Variants in SLC17A6 observed in about 807,000 individuals in gnomAD.
SLC17A6 encodes vesicular glutamate transporter 2.
In SLC17A6, 35 loss-of-function variants were observed where a neutral mutation model predicts 67.1. The observed-to-expected ratio is 0.52, with a 90% CI of 0.40 to 0.69. The LOEUF is 0.69. SLC17A6 is among the 30% of genes least tolerant of loss of function. The pLI is 0.00. For missense variants in SLC17A6, 588 were observed against 723.9 expected (o/e 0.81, Z 2.15); for synonymous variants, 285 against 252.3 (o/e 1.13, Z -1.23).
At position 22,370,121 on chromosome 11, in the gene SLC17A6, C is replaced by T; in HGVS notation, c.974C>T (p.Thr325Ile). The T allele has an allele frequency of 6.2e-7, 1 of 1,612,004 alleles. No individual in the cohort carries two copies. Among genetic ancestry groups the T allele is most frequent in the Non-Finnish European group, 8.5e-7 (1 of 1,179,024 alleles). ...IIVANFCRSW[T>I]FYLLLISQPA... ...GTTGCAAACTTCTGCAGAAGCTGGA[C>T]TTTTTATTTATTGCTTATTAGTCAG... The change falls in exon 8 of 12, where the codon ACT (threonine) becomes ATT (isoleucine). Residue 325 changes from threonine (T) to isoleucine (I), a missense_variant. Physicochemically the swap from Thr to Ile is moderately conservative, Grantham distance 89 (BLOSUM62 -1). Transcript: ENST00000263160.
intron 8 of SLC17A6, among the ~76,000 whole-genome samples, chr11:22,372,162 A>G (rs1220227443): frequency 6.6e-6 from 1 of 151,928 alleles, no homozygotes; most frequent in Admixed American, 6.6e-5. Flanking sequence ...ATATGAGTGC[A>G]ATGGCTTAAC....
chr11:22,352,678 G>C (rs1183627387), intron 3 of SLC17A6, among the ~76,000 whole-genome samples: 1 of 152,190 alleles, frequency 6.6e-6, no homozygotes, highest in Non-Finnish European at 1.5e-5. Context: ...ACAACCTCAT[G>C]AGTTAAGTCT....
chr11:22,349,440 T>C (rs946852425), intron 3 of SLC17A6, among the ~76,000 whole-genome samples: 1 of 152,144 alleles, frequency 6.6e-6, no homozygotes, highest in Non-Finnish European at 1.5e-5. Flanking sequence ...TACCATAAGA[T>C]GAATAGATGG....
At chr11:22,358,439 T>C (rs554757978) in intron 3 of SLC17A6, among the ~76,000 whole-genome samples, 174 of 152,326 alleles carry the variant, frequency 1.1e-3, no homozygotes, top group African/African-American at 4.0e-3. Context: ...GCAATTCTCC[T>C]GCCTCAGCCT....
chr11:22,375,783 A>T (rs576915303), intron 9 of SLC17A6, among the ~76,000 whole-genome samples, 199 bp from the exon 10 acceptor site: 6 of 152,278 alleles, frequency 3.9e-5, no homozygotes, highest in East Asian at 1.9e-4. Flanking sequence ...TCTGGCCTGG[A>T]TGTTTTTATT....
At position 22,341,512 on chromosome 11, in the gene SLC17A6, CT is replaced by C; in HGVS notation, c.87-15del. The stretch of plus-strand genomic sequence containing the variant: ...AAGCCGCCAAGTCCTTGACTCGCCC[CT>C]GCTCTGCCGCGCAGGGTGCTGGAGA... On this transcript the variant is annotated splice_polypyrimidine_tract_variant and intron_variant, in intron 1 of 11. Coordinates refer to ENST00000263160, the MANE Select transcript of SLC17A6 (RefSeq NM_020346.3). 6.2e-7 allele frequency: 1 copy of C among 1,611,230 alleles called. No individual in the cohort carries two copies. Among genetic ancestry groups the C allele is most frequent in the Non-Finnish European group, 8.5e-7 (1 of 1,178,800 alleles).
intron 4 of SLC17A6, among the ~76,000 whole-genome samples, chr11:22,360,537 C>CG (rs764780383): frequency 7.9e-6 from 1 of 126,850 alleles, no homozygotes; most frequent in Non-Finnish European, 1.7e-5. Flanking sequence ...CCCCCCCCCC[C>CG]AAAAAAAAGA....
At chr11:22,370,667 G>T (rs1477370713) in intron 8 of SLC17A6, among the ~76,000 whole-genome samples, 2 of 152,036 alleles carry the variant, frequency 1.3e-5, no homozygotes, top group Non-Finnish European at 2.9e-5. Flanking sequence ...CTTATATTTT[G>T]TCCATCCAAT....
Position 22,343,123 on chromosome 11 carries a change from C to T in SLC17A6, c.340-124C>T, listed in dbSNP as rs559657784. On this transcript the variant is annotated intron_variant, in intron 2 of 11. Transcript: ENST00000263160. ...GTTAGGAAACGAAAATGAAGCCACT[C>T]TTATCCCCAGAATGCATGAAGCGCC... 38 of 800,914 alleles carry T rather than the reference C, an allele frequency of 4.7e-5. No individual in the cohort carries two copies. In the African/African-American group the frequency reaches 6.0e-4, roughly 13 times the overall value. 49.6% of individuals were successfully genotyped at this position (800,914 alleles called of 1,614,324 possible).
intron 4 of SLC17A6, among the ~76,000 whole-genome samples, chr11:22,359,822 C>T (rs1419562379): frequency 1.3e-5 from 2 of 151,238 alleles, no homozygotes; most frequent in Non-Finnish European, 3.0e-5. Context: ...TGTGTCATGA[C>T]AAGAATTTTA....
chr11:22,341,926 A>G, intron 2 of SLC17A6, 146 bp downstream of exon 2: 2 of 1,224,114 alleles, frequency 1.6e-6, no homozygotes, highest in Non-Finnish European at 2.2e-6. Context: ...CCGTTCTAGA[A>G]TGGACCCCAG....
chr11:22,344,595 G>A (rs559196531), intron 3 of SLC17A6, among the ~76,000 whole-genome samples: 125 of 152,224 alleles, frequency 8.2e-4, no homozygotes, highest in African/African-American at 3.0e-3. Flanking sequence ...TTCGAGTATC[G>A]TCTTTACTTG....
chr11:22,350,128 C>G (rs760673678), intron 3 of SLC17A6, among the ~76,000 whole-genome samples: 1 of 152,094 alleles, frequency 6.6e-6, no homozygotes, highest in South Asian at 2.1e-4. Context: ...TTAGGAATTT[C>G]AAAGCGAACT....
In SLC17A6 at chr11:22,338,675, G is replaced by A. The variant is rs1289436082; in HGVS notation, c.86+56G>A. ...GGCTCAGCATGAAAAAATCTGCAGG[G>A]CCGTTTCCGTAAACCCTGGTGGCTC... On this transcript the variant is annotated intron_variant, in intron 1 of 11. Transcript: ENST00000263160. 6 of 1,298,466 alleles carry A rather than the reference G, an allele frequency of 4.6e-6. No homozygotes were observed. The Admixed American group carries it at 8.7e-5, about 19-fold the overall frequency. The allele number at this position is 1,298,466 out of a possible 1,614,324, so 80.4% of individuals were successfully genotyped here. A position where few individuals can be genotyped will look rare whatever the true frequency, so the allele number is the denominator to read the frequency against.
chr11:22,350,834 T>C (rs1372597086), intron 3 of SLC17A6, among the ~76,000 whole-genome samples: 2 of 152,126 alleles, frequency 1.3e-5, no homozygotes, highest in African/African-American at 4.8e-5. Context: ...ATTTCAGCTA[T>C]ATATATATGT....
intron 7 of SLC17A6, among the ~76,000 whole-genome samples, chr11:22,368,123 A>G (rs1445743836): frequency 2.0e-5 from 3 of 152,152 alleles, no homozygotes; most frequent in African/African-American, 7.2e-5. Flanking sequence ...CTTCATATGC[A>G]TATCTAGAAA....
chr11:22,353,667 T>C (rs1227075751), intron 3 of SLC17A6, among the ~76,000 whole-genome samples: 2 of 152,268 alleles, frequency 1.3e-5, no homozygotes, highest in African/African-American at 4.8e-5. Context: ...TTTTCATTTT[T>C]GATCTAACAA....
rs182977287 is a variant in SLC17A6 at position 22,352,783 on chromosome 11, A to G, written c.459-6630A>G. 3.7e-3 allele frequency among the ~76,000 whole-genome samples: 570 copies of G among 152,242 alleles called. 5 individuals are homozygous for G. Among genetic ancestry groups the G allele is most frequent in the African/African-American group, 0.013 (542 of 41,552 alleles). On this transcript the variant is annotated intron_variant, in intron 3 of 11. Coordinates refer to ENST00000263160, the MANE Select transcript of SLC17A6 (RefSeq NM_020346.3). ...AGGGTGGGGGCATGAGTGAGTATTG[A>G]AGGATAAAGTGGAAGGACACTGAGA...
intron 6 of SLC17A6, among the ~76,000 whole-genome samples, chr11:22,364,883 A>T (rs1422927205): frequency 6.6e-6 from 1 of 152,182 alleles, no homozygotes; most frequent in Non-Finnish European, 1.5e-5. Flanking sequence ...AGGGCCTTGG[A>T]ATTTATAACT....
Sources: allele counts gnomAD v4.1 joint callset (sites outside exome capture counted in the v4.1 genomes callset), GRCh38; gene constraint gnomAD v4.1.1; transcripts MANE v1.5; gene names NCBI Gene and HGNC (gene_info 2026-07-23, HGNC 2026-07-21).